DIPK1A: variants seen among roughly 807,000 people sequenced by gnomAD.
DIPK1A encodes family with sequence similarity 69 member A.
In DIPK1A, 27 loss-of-function variants were observed where a neutral mutation model predicts 40.8. The observed-to-expected ratio is 0.66, with a 90% CI of 0.49 to 0.91. The LOEUF (loss-of-function observed/expected upper bound fraction) is 0.91, where lower values mean the gene tolerates loss of function less well. DIPK1A is among the 40% of genes least tolerant of loss of function. DIPK1A has a pLI of 0.00. For synonymous variants in DIPK1A, 166 were observed against 171.3 expected (o/e 0.97, Z 0.24); for missense variants, 412 against 505.7 (o/e 0.81, Z 1.78).
intron 1 of DIPK1A, among the ~76,000 whole-genome samples, chr1:92,902,630 G>A (rs1425143441): frequency 6.6e-6 from 1 of 152,184 alleles, no homozygotes; most frequent in East Asian, 1.9e-4. Flanking sequence ...GAGGACTATA[G>A]TTGGCCAAGG....
chr1:92,958,502 T>A (rs1651932863), intron 1 of DIPK1A, among the ~76,000 whole-genome samples: 1 of 152,144 alleles, frequency 6.6e-6, no homozygotes, highest in African/African-American at 2.4e-5. Flanking sequence ...ATCTCTTCCC[T>A]CTATCTGTGA....
At chr1:92,851,562 A>AAAAAAAAT (rs1687826700) in intron 2 of DIPK1A, among the ~76,000 whole-genome samples, 1 of 92,734 alleles carries the variant, frequency 1.1e-5, no homozygotes, top group Non-Finnish European at 2.3e-5. Context: ...AAAAAAAAAA[A>AAAAAAAAT]CTTCTGGTTT....
intron 2 of DIPK1A, among the ~76,000 whole-genome samples, chr1:92,854,990 AT>A (rs1428502801): frequency 6.6e-6 from 1 of 152,152 alleles, no homozygotes; most frequent in Non-Finnish European, 1.5e-5. Context: ...CTGACCACAT[AT>A]AAATAAAAAA....
At chr1:92,899,511 T>C (rs925577393) in intron 1 of DIPK1A, among the ~76,000 whole-genome samples, 9 of 152,228 alleles carry the variant, frequency 5.9e-5, no homozygotes, top group Non-Finnish European at 1.3e-4. Flanking sequence ...AGCCAGTCTA[T>C]ACTTTTTAAG....
intron 1 of DIPK1A, among the ~76,000 whole-genome samples, chr1:92,919,832 G>A (rs534766781): frequency 6.6e-6 from 1 of 152,272 alleles, no homozygotes; most frequent in South Asian, 2.1e-4. Flanking sequence ...AGGATACATG[G>A]GTGCTCATCA....
intron 1 of DIPK1A, 63 bp downstream of exon 1, chr1:92,961,313 C>A (rs1328735954): frequency 1.5e-6 from 2 of 1,297,850 alleles, no homozygotes; most frequent in Non-Finnish European, 2.1e-6. Flanking sequence ...GAGTCCTGCG[C>A]GGCGCGGCAG....
In DIPK1A at chr1:92,842,667, T is replaced by TA. The variant is rs1379736668; in HGVS notation, c.*715dup. 3 of 985,350 alleles carry TA rather than the reference T, an allele frequency of 3.0e-6. No individual in the cohort carries two copies. The highest frequency in any genetic ancestry group is 1.2e-6 in the Non-Finnish European group (1 of 829,946). The allele number at this position is 985,350 out of a possible 1,614,324, so 61.0% of individuals were successfully genotyped here. A position where few individuals can be genotyped will look rare whatever the true frequency, so the allele number is the denominator to read the frequency against. ...GGATATGTGGATCTTGATTGGGCCT[T>TA]AAGATGTCAGTTTTGAAGGGCTCAG... On this transcript the variant is annotated 3_prime_UTR_variant, in exon 5 of 5. Transcript: ENST00000370310.
At chr1:92,855,286 A>T (rs1257920549) in intron 2 of DIPK1A, among the ~76,000 whole-genome samples, 1 of 152,168 alleles carries the variant, frequency 6.6e-6, no homozygotes, top group Non-Finnish European at 1.5e-5. Context: ...CTTACAGTGA[A>T]AATTATAGCA....
intron 1 of DIPK1A, among the ~76,000 whole-genome samples, chr1:92,948,730 AATATATATGTATATATAC>A (rs924967403): frequency 2.4e-4 from 28 of 114,784 alleles, no homozygotes; most frequent in African/African-American, 5.4e-4. Context: ...TTTTATATTT[AATATATATGTATATATAC>A]ATATATATGT....
intron 2 of DIPK1A, among the ~76,000 whole-genome samples, chr1:92,857,308 G>A (rs971807885): frequency 6.7e-6 from 1 of 150,112 alleles, no homozygotes; most frequent in Admixed American, 6.7e-5. Context: ...GCTACACAGC[G>A]TTTGTCATAT....
In DIPK1A at chr1:92,895,928, C is replaced by T. The variant is rs1166187920; in HGVS notation, c.55-19498G>A. Among the ~76,000 whole-genome samples, 3 of 152,086 alleles carry T rather than the reference C, an allele frequency of 2.0e-5. No homozygotes were observed. The East Asian group carries it at 5.8e-4, about 29-fold the overall frequency. ...AATTGCTTCAAAGAGAATAAAATAC[C>T]TAGGAATCCAGCTTACAAGGGATGT... On this transcript the variant is annotated intron_variant, in intron 1 of 4. Transcript: ENST00000370310.
intron 1 of DIPK1A, chr1:92,933,363 TG>T (rs1256273430): frequency 3.3e-5 from 5 of 152,196 alleles, no homozygotes; most frequent in African/African-American, 1.2e-4. Context: ...GAGGCAGGCA[TG>T]GTCAATAGTA....
chr1:92,857,812 T>C (rs1688036124), intron 2 of DIPK1A, among the ~76,000 whole-genome samples: 1 of 152,188 alleles, frequency 6.6e-6, no homozygotes, highest in Non-Finnish European at 1.5e-5. Context: ...AGTTGGAACC[T>C]GAGCCCAGAT....
rs1457394773 is a variant in DIPK1A at position 92,834,021 on chromosome 1, C to T, written c.475-987G>A. ...TACTCAGTGGGAGGATTGTTTGAGC[C>T]CCGAGGTTGAGGCTGCAGTGAAGTG... is the stretch of plus-strand genomic sequence containing the variant. On this transcript the variant is annotated intron_variant, in intron 4 of 4. Transcript: ENST00000615519. 5 of 308,624 alleles carry T rather than the reference C, an allele frequency of 1.6e-5. No individual in the cohort carries two copies. The Admixed American group carries it at 2.4e-4, about 15-fold the overall frequency. 19.1% of individuals were successfully genotyped at this position (308,624 alleles called of 1,614,324 possible). A position where few individuals can be genotyped will look rare whatever the true frequency, so the allele number is the denominator to read the frequency against.
rs1557502636 is a variant in DIPK1A, at chr1:92,959,902, A to ATTTTT, written c.54+1473_54+1474insAAAAA. On this transcript the variant is annotated intron_variant, in intron 1 of 4. Transcript: ENST00000370310. Reference sequence around the variant, plus strand: ...AGCTGGGACCACAGGCACCCAACCAACTTTTTTTTTTTTTTTTTTTTTTTT... The same window carrying ATTTTT: ...AGCTGGGACCACAGGCACCCAACCAATTTTTCTTTTTTTTTTTTTTTTTTTTTTTT... Among the ~76,000 whole-genome samples, 241 of 43,086 alleles carry ATTTTT rather than the reference A, an allele frequency of 5.6e-3. 8 individuals carry two copies. The highest frequency in any genetic ancestry group is 5.8e-3 in the Non-Finnish European group (150 of 26,070). The allele number at this position is 43,086 out of a possible 152,430, so 28.3% of individuals were successfully genotyped here. A position where few individuals can be genotyped will look rare whatever the true frequency, so the allele number is the denominator to read the frequency against.
At chr1:92,839,472 G>A (rs1687267161), downstream of DIPK1A, among the ~76,000 whole-genome samples, 1 of 152,174 alleles carries the variant, frequency 6.6e-6, no homozygotes, top group African/African-American at 2.4e-5. Context: ...GGGATAGATT[G>A]GTGGTAGTGA....
downstream of DIPK1A, chr1:92,840,471 G>A (rs1571038095): frequency 2.9e-6 from 3 of 1,031,510 alleles, no homozygotes; most frequent in East Asian, 7.1e-5. Flanking sequence ...GGCTTAGAAG[G>A]ACAAGATAAG....
At chr1:92,888,021 T>A (rs755077273) in intron 1 of DIPK1A, among the ~76,000 whole-genome samples, 2 of 151,994 alleles carry the variant, frequency 1.3e-5, no homozygotes, top group Non-Finnish European at 2.9e-5. Flanking sequence ...CAAACGTTGA[T>A]CATTTCTTTG....
intron 2 of DIPK1A, among the ~76,000 whole-genome samples, chr1:92,866,195 G>A (rs561175839): frequency 5.3e-5 from 8 of 152,238 alleles, no homozygotes; most frequent in Non-Finnish European, 8.8e-5. Flanking sequence ...TCCGTCTCCC[G>A]GGTTCAAGTG....
Sources: allele counts gnomAD v4.1 joint callset (sites outside exome capture counted in the v4.1 genomes callset), GRCh38; gene constraint gnomAD v4.1.1; transcripts MANE v1.5; gene names NCBI Gene and HGNC (gene_info 2026-07-23, HGNC 2026-07-21).